Variants in PACRG observed in about 807,000 individuals in gnomAD.
The protein encoded by PACRG is parkin coregulated, also known as parkin coregulated gene protein.
PACRG carries 29 observed loss-of-function variants against 29.7 expected under a neutral mutation model. The ratio of observed to expected loss-of-function variants is 0.98; its 90% CI spans 0.73 to 1.33. The LOEUF is 1.33. Among genes scored for constraint, PACRG ranks in the 40% most tolerant of loss-of-function variants. The pLI is 0.00. For synonymous variants in PACRG, 116 were observed against 118.7 expected, an observed-to-expected ratio of 0.98 and a Z score of 0.15; for missense variants, 279 against 316.2, an observed-to-expected ratio of 0.88 and a Z score of 0.89.
At chr6:163,058,653 T>C (rs968436180) in intron 2 of PACRG, among the ~76,000 whole-genome samples, 2 of 151,988 alleles carry the variant, frequency 1.3e-5, no homozygotes, top group African/African-American at 4.8e-5. Context: ...TCCCAGCACT[T>C]TGGGAGGCCA....
chr6:163,163,007 G>A (rs1778622406), intron 4 of PACRG, among the ~76,000 whole-genome samples: 1 of 152,208 alleles, frequency 6.6e-6, no homozygotes, highest in Admixed American at 6.5e-5. Flanking sequence ...GATCAGCCTG[G>A]CTGCTAATGG....
At chr6:163,262,126 A>C (rs1042905112) in intron 4 of PACRG, among the ~76,000 whole-genome samples, 5 of 152,210 alleles carry the variant, frequency 3.3e-5, no homozygotes, top group Non-Finnish European at 7.3e-5. Context: ...CAAAGCAGAA[A>C]ATGCTGGAAA....
At chr6:162,747,325 C>CATATATAT (rs1190146053) in intron 1 of PACRG, among the ~76,000 whole-genome samples, 21 of 33,232 alleles carry the variant, frequency 6.3e-4, no homozygotes, top group South Asian at 3.0e-3. Context: ...TCTCCTTGCT[C>CATATATAT]ATATATATAT....
intron 2 of PACRG, among the ~76,000 whole-genome samples, chr6:162,887,421 A>G (rs1014471723): frequency 6.6e-6 from 1 of 152,192 alleles, no homozygotes; most frequent in Non-Finnish European, 1.5e-5. Flanking sequence ...AATTTTAGTG[A>G]AAAAATTAAT....
At chr6:163,305,094 C>T (rs1406623069) in intron 4 of PACRG, among the ~76,000 whole-genome samples, 1 of 152,238 alleles carries the variant, frequency 6.6e-6, no homozygotes, top group African/African-American at 2.4e-5. Flanking sequence ...TCCGAGCCCA[C>T]ACTCGGTGCC....
At chr6:163,260,635 G>A (rs1783288019) in intron 4 of PACRG, among the ~76,000 whole-genome samples, 1 of 152,178 alleles carries the variant, frequency 6.6e-6, no homozygotes, top group African/African-American at 2.4e-5. Context: ...GGTCTTCCCT[G>A]GGTAGAGACA....
At chr6:163,263,381 G>A (rs1396530630) in intron 4 of PACRG, among the ~76,000 whole-genome samples, 1 of 152,140 alleles carries the variant, frequency 6.6e-6, no homozygotes, top group Non-Finnish European at 1.5e-5. Flanking sequence ...GGATCACGTG[G>A]CGGCCGCAGC....
chr6:163,186,985 G>T (rs1037837435), intron 4 of PACRG, among the ~76,000 whole-genome samples: 2 of 152,160 alleles, frequency 1.3e-5, no homozygotes, highest in African/African-American at 4.8e-5. Context: ...CCCACTTCAC[G>T]GGCTCTGTCT....
chr6:162,928,541 G>A (rs1514336), intron 2 of PACRG, among the ~76,000 whole-genome samples: 105,079 of 151,816 alleles, frequency 0.69, 36,575 homozygotes, highest in East Asian at 0.79. Flanking sequence ...ATACATTCAT[G>A]TAATTTGTAA....
At chr6:163,058,584 A>C (rs1810800741) in intron 2 of PACRG, among the ~76,000 whole-genome samples, 1 of 152,088 alleles carries the variant, frequency 6.6e-6, no homozygotes, top group Non-Finnish European at 1.5e-5. Context: ...AATAAAAAAA[A>C]AAATCTCTAC....
intron 4 of PACRG, among the ~76,000 whole-genome samples, chr6:163,180,117 C>A (rs1044364636): frequency 6.6e-6 from 1 of 152,236 alleles, no homozygotes; most frequent in African/African-American, 2.4e-5. Flanking sequence ...CCTTTCCAAG[C>A]CATACATAAT....
intron 4 of PACRG, chr6:163,189,626 C>A (rs1269642832): frequency 6.6e-6 from 1 of 152,232 alleles, no homozygotes; most frequent in Non-Finnish European, 1.5e-5. Flanking sequence ...GCAACATACT[C>A]CATTTTGTTC....
intron 4 of PACRG, among the ~76,000 whole-genome samples, chr6:163,115,099 C>T (rs77054384): frequency 0.013 from 1,962 of 152,294 alleles, 49 homozygotes; most frequent in African/African-American, 0.046. Flanking sequence ...ACCATTGAAA[C>T]TGTTAGTTAG....
chr6:163,035,380 G>A (rs1808071837), intron 2 of PACRG, among the ~76,000 whole-genome samples: 1 of 152,108 alleles, frequency 6.6e-6, no homozygotes, highest in Non-Finnish European at 1.5e-5. Flanking sequence ...TGGGCACGGT[G>A]GCTCATGCCT....
chr6:163,149,459 G>A lies in PACRG; in HGVS notation c.613+60051G>A, dbSNP rs563319849. 2.4e-4 allele frequency among the ~76,000 whole-genome samples: 37 copies of A among 152,296 alleles called. No homozygotes were observed. In the South Asian group the frequency reaches 7.3e-3, roughly 30 times the overall value. ...TTCCCTGCGAACCCTGGAGAACACG[G>A]CCTTGTGATGAAGCAAACCCCAGTC... is the stretch of plus-strand genomic sequence containing the variant. On this transcript the variant is annotated intron_variant, in intron 4 of 4. Coordinates refer to ENST00000366888, the MANE Select transcript of PACRG (RefSeq NM_001080379.2).
chr6:162,880,425 T>C (rs938203547), intron 2 of PACRG, among the ~76,000 whole-genome samples: 3 of 152,170 alleles, frequency 2.0e-5, no homozygotes, highest in Non-Finnish European at 4.4e-5. Context: ...TTTCTGCTTA[T>C]TATAGAAAGA....
At chr6:163,231,493 G>A (rs371781979) in intron 4 of PACRG, among the ~76,000 whole-genome samples, 46 of 152,236 alleles carry the variant, frequency 3.0e-4, no homozygotes, top group African/African-American at 1.0e-3. Flanking sequence ...GTGACATGCC[G>A]GGTTGTCACA....
At chr6:162,788,647 G>A (rs926898060) in intron 1 of PACRG, among the ~76,000 whole-genome samples, 2 of 152,160 alleles carry the variant, frequency 1.3e-5, no homozygotes, top group Non-Finnish European at 2.9e-5. Context: ...GAGAGTTCCT[G>A]TTGCTCCATA....
chr6:163,186,746 T>C (rs1779955947), intron 4 of PACRG, among the ~76,000 whole-genome samples: 1 of 152,088 alleles, frequency 6.6e-6, no homozygotes, highest in Admixed American at 6.5e-5. Context: ...TGCTTCCGAG[T>C]AGTTTGATGT....
Sources: gnomAD v4.1 joint callset for allele counts (sites outside exome capture counted in the v4.1 genomes callset) on GRCh38, gnomAD v4.1.1 for gene constraint, MANE v1.5 for transcripts, NCBI Gene and HGNC (gene_info 2026-07-23, HGNC 2026-07-21) for gene names.